The following MAF variants were observed in gnomAD, a reference collection of about 807,000 sequenced individuals.
MAF encodes the protein MAF bZIP transcription factor.
A neutral mutation model predicts 22.0 loss-of-function variants in MAF; 10 were observed. The ratio of observed to expected loss-of-function variants is 0.45; its 90% CI spans 0.28 to 0.77. The LOEUF (loss-of-function observed/expected upper bound fraction) is 0.77, where lower values mean the gene tolerates loss of function less well. Among genes scored for constraint, MAF ranks in the 30% least tolerant of loss-of-function variants. The probability of loss-of-function intolerance (pLI) is 0.12; values close to 1 mark genes in which losing one functional copy is unlikely to be tolerated. For synonymous variants in MAF, 337 were observed against 255.8 expected, an observed-to-expected ratio of 1.32 and a Z score of -3.03; for missense variants, 544 against 548.4, an observed-to-expected ratio of 0.99 and a Z score of 0.08.
At chr16:79,400,615 C>T in the MAF span, among the ~76,000 whole-genome samples, 7 of 152,316 alleles carry the variant, frequency 4.6e-5, no homozygotes, top group East Asian at 1.9e-4. Flanking sequence ...TCCCAGGAGG[C>T]GAAAGAGATA....
chr16:79,360,633 A>C, the MAF span, among the ~76,000 whole-genome samples: 1 of 152,200 alleles, frequency 6.6e-6, no homozygotes, highest in South Asian at 2.1e-4. Context: ...TTTATTTTGC[A>C]GCCAAGAGCA....
chr16:79,507,588 C>T, the MAF span, among the ~76,000 whole-genome samples: 3 of 151,842 alleles, frequency 2.0e-5, no homozygotes, highest in African/African-American at 4.8e-5. Flanking sequence ...CCATGCCTGG[C>T]TAATTTTTTT....
the MAF span, among the ~76,000 whole-genome samples, chr16:79,323,566 C>G: frequency 6.6e-6 from 1 of 152,044 alleles, no homozygotes; most frequent in South Asian, 2.1e-4. Flanking sequence ...AAGAAGTGGC[C>G]GAGTTTTGGA....
the MAF span, among the ~76,000 whole-genome samples, chr16:79,305,064 G>A: frequency 5.9e-5 from 9 of 152,350 alleles, no homozygotes; most frequent in African/African-American, 1.4e-4. Flanking sequence ...CTACAGAATC[G>A]TGTGGAATGA....
the MAF span, among the ~76,000 whole-genome samples, chr16:79,333,445 C>A: frequency 6.6e-6 from 1 of 152,102 alleles, no homozygotes; most frequent in Non-Finnish European, 1.5e-5. Context: ...CAGGCCAAAA[C>A]GATACGACGG....
the MAF span, among the ~76,000 whole-genome samples, chr16:79,490,419 T>C: frequency 6.6e-6 from 1 of 152,206 alleles, no homozygotes; most frequent in Non-Finnish European, 1.5e-5. Flanking sequence ...TAGAGGGGAT[T>C]CCTCTGCCTG....
the MAF span, among the ~76,000 whole-genome samples, chr16:79,374,908 G>A: frequency 6.6e-6 from 1 of 152,152 alleles, no homozygotes; most frequent in Non-Finnish European, 1.5e-5. Context: ...CTTGATATAG[G>A]ATCACGCTCT....
chr16:79,287,118 C>CT, the MAF span, among the ~76,000 whole-genome samples: 152 of 136,182 alleles, frequency 1.1e-3, 1 homozygote, highest in South Asian at 8.7e-3. Flanking sequence ...CTCTGCCTTC[C>CT]TTTTTTTTTT....
At chr16:79,486,900 C>G in the MAF span, among the ~76,000 whole-genome samples, 17 of 152,228 alleles carry the variant, frequency 1.1e-4, 1 homozygote, top group African/African-American at 4.1e-4. Flanking sequence ...TGGAGGTCCC[C>G]CTCCACCTCC....
chr16:79,269,141 G>T, the MAF span, among the ~76,000 whole-genome samples: 1 of 152,136 alleles, frequency 6.6e-6, no homozygotes, highest in Non-Finnish European at 1.5e-5. Flanking sequence ...TTATTGAACT[G>T]TTTACCACCC....
chr16:79,428,732 C>T, the MAF span, among the ~76,000 whole-genome samples: 1 of 152,002 alleles, frequency 6.6e-6, no homozygotes, highest in Non-Finnish European at 1.5e-5. Flanking sequence ...GTAGTTCTAG[C>T]TACTTGGGAG....
At chr16:79,209,269 T>A in the MAF span, among the ~76,000 whole-genome samples, 4 of 152,316 alleles carry the variant, frequency 2.6e-5, no homozygotes, top group Admixed American at 6.5e-5. Context: ...CCTGCAACAA[T>A]GGCATTCTGA....
chr16:79,541,177 A>G, the MAF span, among the ~76,000 whole-genome samples: 487 of 152,256 alleles, frequency 3.2e-3, 3 homozygotes, highest in Non-Finnish European at 5.5e-3. Flanking sequence ...TACTTTTACC[A>G]TTACTGTTAC....
chr16:79,598,776 C>T lies in MAF; in HGVS notation c.1118+9G>A, dbSNP rs776791297. 1.2e-6 allele frequency: 2 copies of T among 1,613,828 alleles called. No homozygotes were observed. Among genetic ancestry groups the T allele is most frequent in the Non-Finnish European group, 1.7e-6 (2 of 1,179,986 alleles). ...AGGGTGGCTAGCTGGAATCGCGTGT[C>T]AGACTCACATGAAAAACTCGGGAGA... is the stretch of plus-strand genomic sequence containing the variant. On this transcript the variant is annotated intron_variant, in intron 1 of 1. Transcript: ENST00000326043.
At chr16:79,525,918 C>G in the MAF span, among the ~76,000 whole-genome samples, 1 of 152,154 alleles carries the variant, frequency 6.6e-6, no homozygotes, top group Non-Finnish European at 1.5e-5. Flanking sequence ...AGTCAAAGCC[C>G]TAGAGGCCTT....
downstream of MAF, among the ~76,000 whole-genome samples, chr16:79,591,318 C>G (rs1002584038): frequency 1.3e-5 from 2 of 152,226 alleles, no homozygotes; most frequent in South Asian, 4.2e-4. Context: ...ACAGAAAACT[C>G]CTTCCTCTCC....
the MAF span, among the ~76,000 whole-genome samples, chr16:79,284,021 A>G: frequency 6.7e-6 from 1 of 150,238 alleles, no homozygotes; most frequent in Non-Finnish European, 1.5e-5. Flanking sequence ...TGGCAGAACA[A>G]GGGTCCTTTT....
At chr16:79,317,817 T>C in the MAF span, among the ~76,000 whole-genome samples, 1 of 152,178 alleles carries the variant, frequency 6.6e-6, no homozygotes, top group South Asian at 2.1e-4. Flanking sequence ...TCTCTTTGCA[T>C]GAGAGTTCAA....
chr16:79,595,091 T>C (rs1360045147), intron 1 of MAF: 3 of 1,044,992 alleles, frequency 2.9e-6, no homozygotes, highest in South Asian at 4.6e-5. Context: ...TTTCTGCTTC[T>C]TCAGAGTTTG....
Sources: gnomAD v4.1 joint callset for allele counts (sites outside exome capture counted in the v4.1 genomes callset) on GRCh38, gnomAD v4.1.1 for gene constraint, MANE v1.5 for transcripts, NCBI Gene and HGNC (gene_info 2026-07-23, HGNC 2026-07-21) for gene names.